CPS1: variants seen among roughly 807,000 people sequenced by gnomAD.
CPS1 encodes carbamoyl-phosphate synthase 1, also known as carbamoyl-phosphate synthase [ammonia], mitochondrial.
A neutral mutation model predicts 174.6 loss-of-function variants in CPS1; 109 were observed. The ratio of observed to expected loss-of-function variants is 0.62; its 90% CI spans 0.53 to 0.73. CPS1 has a LOEUF of 0.73. Among genes scored for constraint, CPS1 ranks in the 30% least tolerant of loss-of-function variants. The pLI is 0.00. For synonymous variants in CPS1, 637 were observed against 632.0 expected (o/e 1.01, Z -0.12); for missense variants, 1,689 against 1,821.9 (o/e 0.93, Z 1.33).
chr2:210,668,561 A>G (rs1374726882), intron 34 of CPS1, among the ~76,000 whole-genome samples: 1 of 152,026 alleles, frequency 6.6e-6, no homozygotes, highest in African/African-American at 2.4e-5. Flanking sequence ...TAAAAAATGA[A>G]TCTCTTATTC....
intron 1 of CPS1, among the ~76,000 whole-genome samples, chr2:210,557,691 A>T (rs536884597): frequency 1.4e-4 from 21 of 152,236 alleles, no homozygotes; most frequent in African/African-American, 4.8e-4. Flanking sequence ...AAGTAATTAT[A>T]TTAGCTTTAG....
intron 21 of CPS1, among the ~76,000 whole-genome samples, chr2:210,625,290 C>A (rs1274746671): frequency 6.6e-6 from 1 of 151,966 alleles, no homozygotes; most frequent in East Asian, 1.9e-4. Flanking sequence ...AATCACCAGT[C>A]ATTGAATCTA....
chr2:210,655,797 G>A (rs995195309), intron 29 of CPS1, among the ~76,000 whole-genome samples: 1 of 152,152 alleles, frequency 6.6e-6, no homozygotes, highest in African/African-American at 2.4e-5. Flanking sequence ...AATCTCTTAT[G>A]TAATTTATTT....
intron 34 of CPS1, among the ~76,000 whole-genome samples, chr2:210,671,421 G>A (rs1324292232): frequency 6.6e-6 from 1 of 152,118 alleles, no homozygotes; most frequent in African/African-American, 2.4e-5. Flanking sequence ...CTTTTCTGTA[G>A]CCAGGAGTTG....
At chr2:210,502,401 T>A (rs146333929) in intron 1 of CPS1, among the ~76,000 whole-genome samples, 2,310 of 146,596 alleles carry the variant, frequency 0.016, 51 homozygotes, top group African/African-American at 0.049. Context: ...ATATGTATAT[T>A]TTATATATAT....
chr2:210,600,251 G>A (rs1698668948), intron 14 of CPS1, among the ~76,000 whole-genome samples: 1 of 151,798 alleles, frequency 6.6e-6, no homozygotes, highest in Admixed American at 6.6e-5. Flanking sequence ...TATAGAAATG[G>A]ACTTTAGGAG....
At chr2:210,586,628 G>A (rs1698118828) in intron 6 of CPS1, among the ~76,000 whole-genome samples, 1 of 152,018 alleles carries the variant, frequency 6.6e-6, no homozygotes, top group Admixed American at 6.6e-5. Context: ...GTATCCATGA[G>A]GTCTTGTGTA....
At chr2:210,497,863 G>A (rs1345041335) in intron 1 of CPS1, among the ~76,000 whole-genome samples, 4 of 123,124 alleles carry the variant, frequency 3.2e-5, no homozygotes, top group Non-Finnish European at 7.0e-5. Context: ...GTGCATGCAT[G>A]TGTCTTTTTG....
intron 29 of CPS1, among the ~76,000 whole-genome samples, chr2:210,655,412 C>T (rs944192093): frequency 2.0e-5 from 3 of 152,042 alleles, no homozygotes. Flanking sequence ...TCCTGTACTC[C>T]CTCTTTTGGA....
intron 1 of CPS1, among the ~76,000 whole-genome samples, chr2:210,531,879 C>A (rs1696123144): frequency 6.6e-6 from 1 of 152,038 alleles, no homozygotes; most frequent in South Asian, 2.1e-4. Flanking sequence ...GAGGTGAACA[C>A]CTTGAATACA....
At chr2:210,593,025 C>T (rs1698363673) in intron 11 of CPS1, 69 bp downstream of exon 11, 5 of 1,291,440 alleles carry the variant, frequency 3.9e-6, no homozygotes, top group African/African-American at 1.5e-5. Flanking sequence ...ATTCGAGAAA[C>T]CAAAATAATC....
At chr2:210,608,245 G>A (rs1404288362) in intron 18 of CPS1, 116 bp from the exon 19 acceptor site, 2 of 904,442 alleles carry the variant, frequency 2.2e-6, no homozygotes. Context: ...AGAATCAAGT[G>A]TCTTATACCC....
At chr2:210,542,342 T>G (rs1156685111) in intron 1 of CPS1, among the ~76,000 whole-genome samples, 8 of 152,148 alleles carry the variant, frequency 5.3e-5, no homozygotes, top group Admixed American at 3.3e-4. Context: ...GGTTGTCTAA[T>G]GACAGCATGA....
At chr2:210,516,888 A>G (rs981438684) in intron 1 of CPS1, among the ~76,000 whole-genome samples, 4 of 151,956 alleles carry the variant, frequency 2.6e-5, no homozygotes, top group African/African-American at 7.2e-5. Context: ...TTTCCAATTC[A>G]TCTCTTTACC....
intron 1 of CPS1, among the ~76,000 whole-genome samples, chr2:210,543,854 T>C (rs1045671604): frequency 3.9e-5 from 6 of 152,034 alleles, no homozygotes; most frequent in African/African-American, 1.4e-4. Context: ...GATGAATAAA[T>C]TAGATACACA....
intron 5 of CPS1, among the ~76,000 whole-genome samples, chr2:210,581,887 A>T (rs539076762): frequency 6.6e-6 from 1 of 152,244 alleles, no homozygotes. Context: ...TTGAATTTTT[A>T]CCCCTCAATA....
Position 210,600,655 on chromosome 2 carries a change from T to C in CPS1, c.1650T>C (p.Phe550=), listed in dbSNP as rs1354358473. The change falls in exon 15 of 38, where the codon TTT becomes TTC. Residue 550 remains phenylalanine, a synonymous_variant. Coordinates refer to ENST00000233072, the MANE Select transcript of CPS1 (RefSeq NM_001875.5). The stretch of plus-strand genomic sequence containing the variant: ...TGGCTACGGAAGACAGGCAGCTGTT[T>C]TCAGATAAACTAAATGAGATCAATG... The part of the protein sequence containing the change: ...SIMATEDRQL[F]SDKLNEINEK... The C allele has an allele frequency of 3.1e-6, 5 of 1,612,218 alleles. No individual in the cohort carries two copies. The highest frequency in any genetic ancestry group is 2.2e-5 in the East Asian group (1 of 44,782).
chr2:210,640,177 C>T, intron 24 of CPS1, 118 bp downstream of exon 24: 1 of 721,764 alleles, frequency 1.4e-6, no homozygotes, highest in African/African-American at 1.8e-5. Context: ...ATATGTTTTG[C>T]AAATTAGGAA....
At chr2:210,565,825 A>T (rs1225903782) in intron 1 of CPS1, among the ~76,000 whole-genome samples, 1 of 152,224 alleles carries the variant, frequency 6.6e-6, no homozygotes, top group Non-Finnish European at 1.5e-5. Context: ...ACTTTGGCAT[A>T]AGGACTTTGA....
Sources: gnomAD v4.1 joint callset for allele counts (sites outside exome capture counted in the v4.1 genomes callset) on GRCh38, gnomAD v4.1.1 for gene constraint, MANE v1.5 for transcripts, NCBI Gene and HGNC (gene_info 2026-07-23, HGNC 2026-07-21) for gene names.